Variants in SGCZ observed in about 807,000 individuals in gnomAD.
SGCZ encodes the protein sarcoglycan zeta.
In SGCZ, 40 loss-of-function variants were observed where a neutral mutation model predicts 41.3. That is an observed-to-expected ratio of 0.97 (90% CI 0.75 to 1.26). The LOEUF is 1.26. Among genes scored for constraint, SGCZ ranks in the 50% most tolerant of loss-of-function variants. The probability of loss-of-function intolerance (pLI) is 0.00; values close to 1 mark genes in which losing one functional copy is unlikely to be tolerated. For synonymous variants in SGCZ, 206 were observed against 137.5 expected, an observed-to-expected ratio of 1.50 and a Z score of -3.49; for missense variants, 552 against 369.8, an observed-to-expected ratio of 1.49 and a Z score of -4.04.
intron 2 of SGCZ, among the ~76,000 whole-genome samples, chr8:14,514,205 G>C (rs756363498): frequency 6.6e-6 from 1 of 151,418 alleles, no homozygotes; most frequent in African/African-American, 2.4e-5. Context: ...CTGGTGTAGA[G>C]CACTGCCATT....
chr8:15,230,601 C>T (rs1801910945), intron 1 of SGCZ, among the ~76,000 whole-genome samples: 1 of 152,116 alleles, frequency 6.6e-6, no homozygotes, highest in African/African-American at 2.4e-5. Flanking sequence ...GAAGAAGATA[C>T]AAAAACGTCA....
At chr8:14,589,345 C>A (rs1350295594) in intron 1 of SGCZ, among the ~76,000 whole-genome samples, 35 of 122,472 alleles carry the variant, frequency 2.9e-4, no homozygotes, top group South Asian at 8.0e-4. Flanking sequence ...GACTCCATCT[C>A]AAAAAAAAAA....
chr8:15,141,599 G>T (rs925791306), intron 1 of SGCZ, among the ~76,000 whole-genome samples: 3 of 152,164 alleles, frequency 2.0e-5, no homozygotes, highest in African/African-American at 7.2e-5. Context: ...GCCCAAGAAG[G>T]CTTTGACTAA....
intron 1 of SGCZ, among the ~76,000 whole-genome samples, chr8:15,128,617 T>A (rs1379994627): frequency 6.6e-6 from 1 of 152,206 alleles, no homozygotes; most frequent in Non-Finnish European, 1.5e-5. Context: ...CGCCCTGTGA[T>A]CCTGGAATAC....
At chr8:15,117,700 T>C (rs1000980607) in intron 1 of SGCZ, among the ~76,000 whole-genome samples, 4 of 152,220 alleles carry the variant, frequency 2.6e-5, no homozygotes, top group African/African-American at 9.6e-5. Context: ...TAAATTATTA[T>C]TATTTTCCAT....
At chr8:14,528,970 C>T (rs1476576987) in intron 2 of SGCZ, among the ~76,000 whole-genome samples, 1 of 151,982 alleles carries the variant, frequency 6.6e-6, no homozygotes, top group African/African-American at 2.4e-5. Flanking sequence ...TCAGCTGAGA[C>T]CTAGAAAATG....
At chr8:15,189,683 G>T (rs1329290976) in intron 1 of SGCZ, among the ~76,000 whole-genome samples, 2 of 151,946 alleles carry the variant, frequency 1.3e-5, no homozygotes, top group African/African-American at 4.8e-5. Flanking sequence ...CAAGTAGCTG[G>T]GATTACAGGT....
chr8:14,446,126 G>C (rs561326077), intron 2 of SGCZ, among the ~76,000 whole-genome samples: 222 of 152,268 alleles, frequency 1.5e-3, no homozygotes, highest in African/African-American at 5.2e-3. Context: ...CAATAAGTCA[G>C]GGAGAAAAAG....
intron 1 of SGCZ, among the ~76,000 whole-genome samples, chr8:15,044,709 G>T (rs1325661431): frequency 6.6e-6 from 1 of 152,066 alleles, no homozygotes; most frequent in Admixed American, 6.6e-5. Flanking sequence ...AAGATGGAGG[G>T]TTAATTAGGA....
chr8:14,878,136 G>A (rs779860374), intron 1 of SGCZ, among the ~76,000 whole-genome samples: 2 of 151,714 alleles, frequency 1.3e-5, no homozygotes, highest in African/African-American at 2.4e-5. Flanking sequence ...AAGCACTTAA[G>A]AAGTAGACAT....
chr8:14,857,217 C>G (rs374385978), intron 1 of SGCZ, among the ~76,000 whole-genome samples: 12 of 152,282 alleles, frequency 7.9e-5, no homozygotes, highest in African/African-American at 2.2e-4. Context: ...CTGAGGCCTG[C>G]TCAGAAACCC....
At chr8:14,915,876 T>G (rs60813844) in intron 1 of SGCZ, among the ~76,000 whole-genome samples, 8,780 of 152,216 alleles carry the variant, frequency 0.058, 303 homozygotes, top group Admixed American at 0.079. Context: ...TCTTTCTCAG[T>G]GACAGACAAT....
chr8:15,063,097 C>G (rs1364085839), intron 1 of SGCZ, among the ~76,000 whole-genome samples: 4 of 151,772 alleles, frequency 2.6e-5, no homozygotes, highest in Non-Finnish European at 5.9e-5. Context: ...GAGAATAAAT[C>G]AAAAGTAAAC....
intron 2 of SGCZ, among the ~76,000 whole-genome samples, chr8:14,406,969 C>T (rs1799227983): frequency 6.6e-6 from 1 of 151,790 alleles, no homozygotes; most frequent in Non-Finnish European, 1.5e-5. Context: ...CGGGTGAAGC[C>T]AAGAACCCTC....
chr8:14,832,846 T>C (rs988069212), intron 1 of SGCZ, among the ~76,000 whole-genome samples: 8 of 152,160 alleles, frequency 5.3e-5, no homozygotes, highest in Admixed American at 3.3e-4. Flanking sequence ...TTCTAATATG[T>C]ATGTTGCATA....
At chr8:14,483,003 A>C (rs11203614) in intron 2 of SGCZ, among the ~76,000 whole-genome samples, 1 of 151,918 alleles carries the variant, frequency 6.6e-6, no homozygotes, top group Admixed American at 6.6e-5. Flanking sequence ...CACACACACA[A>C]ACACATATCC....
chr8:15,148,178 A>G (rs1240224756), intron 1 of SGCZ, among the ~76,000 whole-genome samples: 1 of 151,970 alleles, frequency 6.6e-6, no homozygotes, highest in Non-Finnish European at 1.5e-5. Flanking sequence ...CATATCTGAC[A>G]TAAAATAGAC....
At chr8:14,559,570 C>G (rs548760290) in intron 1 of SGCZ, among the ~76,000 whole-genome samples, 2 of 152,148 alleles carry the variant, frequency 1.3e-5, no homozygotes, top group Admixed American at 1.3e-4. Flanking sequence ...AAGCAATCTA[C>G]AAATTCAATG....
intron 2 of SGCZ, among the ~76,000 whole-genome samples, chr8:14,398,343 T>A (rs972000360): frequency 6.6e-6 from 1 of 152,144 alleles, no homozygotes; most frequent in African/African-American, 2.4e-5. Context: ...CTTGAAGGTG[T>A]CCTGATTACT....
Sources: gnomAD v4.1 joint callset for allele counts (sites outside exome capture counted in the v4.1 genomes callset) on GRCh38, gnomAD v4.1.1 for gene constraint, MANE v1.5 for transcripts, NCBI Gene and HGNC (gene_info 2026-07-23, HGNC 2026-07-21) for gene names.